SEC14L6: variants seen among roughly 807,000 people sequenced by gnomAD.
The protein encoded by SEC14L6 is SEC14-like protein 6.
Under a neutral mutation model 54.1 loss-of-function variants are expected in SEC14L6, and 40 were observed. The ratio of observed to expected loss-of-function variants is 0.74; its 90% CI spans 0.57 to 0.96. The LOEUF is 0.96. SEC14L6 is among the 40% of genes least tolerant of loss of function. The pLI, the probability that SEC14L6 is intolerant of heterozygous loss-of-function variation, is 0.00. For missense variants in SEC14L6, 471 were observed against 498.3 expected, an observed-to-expected ratio of 0.95 and a Z score of 0.52; for synonymous variants, 171 against 198.4, an observed-to-expected ratio of 0.86 and a Z score of 1.16.
rs774609526 is a variant in SEC14L6, at chr22:30,523,310, G to T, written c.*1687C>A. The T allele has an allele frequency of 6.6e-6, 1 of 152,234 alleles. No individual in the cohort carries two copies. The highest frequency in any genetic ancestry group is 1.5e-5 in the Non-Finnish European group (1 of 68,080). The allele number at this position is 152,234 out of a possible 1,614,324, so 9.4% of individuals were successfully genotyped here. A position where few individuals can be genotyped will look rare whatever the true frequency, so the allele number is the denominator to read the frequency against. On this transcript the variant is annotated 3_prime_UTR_variant, in exon 12 of 12. Transcript: ENST00000402034. Reference sequence around the variant, plus strand: ...CTGATCGCAGGACAGCACTCTAGTAGGACTGTGGGCTGACACCGACCTAGT... The same window carrying T: ...CTGATCGCAGGACAGCACTCTAGTATGACTGTGGGCTGACACCGACCTAGT...
chr22:30,532,982 C>A, intron 3 of SEC14L6, 126 bp from the exon 4 acceptor site: 1 of 1,506,436 alleles, frequency 6.6e-7, no homozygotes, highest in African/African-American at 1.4e-5. Context: ...CATCCCCAGG[C>A]TCCACTGACA....
At chr22:30,539,475 G>T (rs1280101153) in intron 1 of SEC14L6, among the ~76,000 whole-genome samples, 1 of 152,182 alleles carries the variant, frequency 6.6e-6, no homozygotes, top group South Asian at 2.1e-4. Context: ...GTGGGGGCAG[G>T]GAGGGGCCCT....
At chr22:30,532,360 G>A (rs966289548) in intron 5 of SEC14L6, 165 bp downstream of exon 5, 4 of 904,278 alleles carry the variant, frequency 4.4e-6, no homozygotes, top group South Asian at 5.1e-5. Context: ...GCCACATACT[G>A]TGTGGCCTTG....
chr22:30,525,338 G>C lies in SEC14L6; in HGVS notation c.1081+12C>G, dbSNP rs1250919150. 1 of 1,613,194 alleles carries C rather than the reference G, an allele frequency of 6.2e-7. No homozygotes were observed. The highest frequency in any genetic ancestry group is 8.5e-7 in the Non-Finnish European group (1 of 1,179,666). ...CCCAGCTCCAGGTAGAGCCATCCCTGCCAACTCTTACAGCTGCCGGCCTGG... is the reference window on the plus strand; with the variant it reads ...CCCAGCTCCAGGTAGAGCCATCCCTCCCAACTCTTACAGCTGCCGGCCTGG... On this transcript the variant is annotated intron_variant, in intron 11 of 11. Coordinates refer to ENST00000402034, the MANE Select transcript of SEC14L6 (RefSeq NM_001193336.4).
rs763237008 is a variant in SEC14L6, at chr22:30,538,813, C to T, written c.130+14G>A. 2.2e-5 allele frequency: 34 copies of T among 1,542,810 alleles called. No individual in the cohort carries two copies. Among genetic ancestry groups the T allele is most frequent in the African/African-American group, 6.9e-5 (5 of 72,982 alleles). ...TGCCATTGACCCTACCCCAGCCCCACGCTCTATCCTTACCTTGGAGCCAGC... is the reference window on the plus strand; with the variant it reads ...TGCCATTGACCCTACCCCAGCCCCATGCTCTATCCTTACCTTGGAGCCAGC... On this transcript the variant is annotated intron_variant, in intron 2 of 11. Transcript: ENST00000402034.
At position 30,534,052 on chromosome 22, in the gene SEC14L6, A is replaced by T; in HGVS notation, c.131-13T>A. The T allele has an allele frequency of 6.4e-7, 1 of 1,550,860 alleles. No homozygotes were observed. Among genetic ancestry groups the T allele is most frequent in the African/African-American group, 1.4e-5 (1 of 73,168 alleles). ...TCAAAGCTCCGAGCTGCAACAAGAGACAGGGTTATGGTTGTGGAATTCTAG... is the reference window on the plus strand; with the variant it reads ...TCAAAGCTCCGAGCTGCAACAAGAGTCAGGGTTATGGTTGTGGAATTCTAG... On this transcript the variant is annotated splice_polypyrimidine_tract_variant and intron_variant, in intron 2 of 11. Coordinates refer to ENST00000402034, the MANE Select transcript of SEC14L6 (RefSeq NM_001193336.4).
At position 30,525,492 on chromosome 22, in the gene SEC14L6, G is replaced by A. The variant is rs1936739687; in HGVS notation, c.939C>T (p.Asp313=). The change falls in exon 11 of 12, where the codon GAC becomes GAT. Residue 313 remains aspartate, a synonymous_variant. Transcript: ENST00000402034. ...LRWQFASDGG[D]IGFGVFLKTK... ...TCTTCAGGAAAACCCCAAAGCCAAT[G>A]TCCCCACCATCTGAAGCAAACTGCC... 6.2e-7 allele frequency: 1 copy of A among 1,614,140 alleles called. No homozygotes were observed. The highest frequency in any genetic ancestry group is 8.5e-7 in the Non-Finnish European group (1 of 1,179,990).
rs1000667861 is a variant in SEC14L6, at chr22:30,529,276, C to A, written c.580+13G>T. 6.5e-7 allele frequency: 1 copy of A among 1,550,058 alleles called. No individual in the cohort carries two copies. Among genetic ancestry groups the A allele is most frequent in the African/African-American group, 1.4e-5 (1 of 73,030 alleles). On this transcript the variant is annotated intron_variant, in intron 7 of 11. Transcript: ENST00000402034. ...CCCCCCAACTCATGCATATCCTGGG[C>A]TGCTTTACTCACCTCTCACAACAAT...
chr22:30,538,751 GATACACTCAATAGATACCAA>G, intron 2 of SEC14L6, 56 bp downstream of exon 2: 1 of 962,538 alleles, frequency 1.0e-6, no homozygotes, highest in Non-Finnish European at 1.6e-6. Flanking sequence ...GGAGTAATTT[GATACACTCAATAGATACCAA>G]ATACACTCCT....
In SEC14L6 at chr22:30,531,970, G is replaced by C. The variant is rs61742115; in HGVS notation, c.452C>G (p.Ala151Gly). 29,738 of 1,550,548 alleles carry C rather than the reference G, an allele frequency of 0.019. 436 individuals are homozygous for C. Among genetic ancestry groups the C allele is most frequent in the Middle Eastern group, 0.059 (354 of 5,992 alleles). ...GCCCAGCCCTTCGAGACCAAAAATA[G>C]CTATGATTTTCTCCACCCTCTTCCC... ...KLGKRVEKII[A>G]IFGLEGLGLR... Residue 151 changes from alanine (A) to glycine (G), a missense_variant, in exon 6 of 12, where the codon GCT (alanine) becomes GGT (glycine). Physicochemically the swap from Ala to Gly is moderately conservative, Grantham distance 60. Transcript: ENST00000402034.
At chr22:30,541,919 A>G (rs2085722469) in intron 1 of SEC14L6, among the ~76,000 whole-genome samples, 1 of 152,232 alleles carries the variant, frequency 6.6e-6, no homozygotes, top group Non-Finnish European at 1.5e-5. Context: ...CAACACATTC[A>G]GCCATTTTCT....
chr22:30,531,862 C>T (rs1237294787), intron 6 of SEC14L6, 41 bp downstream of exon 6: 2 of 1,409,094 alleles, frequency 1.4e-6, no homozygotes, highest in African/African-American at 2.9e-5. Flanking sequence ...AAGACCCAGG[C>T]ATTTGACCAC....
At chr22:30,535,009 A>G (rs1937099760) in intron 2 of SEC14L6, among the ~76,000 whole-genome samples, 1 of 149,448 alleles carries the variant, frequency 6.7e-6, no homozygotes. Flanking sequence ...AGCCTAGGCA[A>G]CATAGTGAGA....
chr22:30,531,739 A>G (rs1227794240), intron 6 of SEC14L6, among the ~76,000 whole-genome samples, 164 bp downstream of exon 6: 2 of 152,088 alleles, frequency 1.3e-5, no homozygotes, highest in East Asian at 3.9e-4. Flanking sequence ...AAAAAGTAAG[A>G]GCTGCAAACA....
intron 2 of SEC14L6, among the ~76,000 whole-genome samples, chr22:30,537,953 A>G (rs1405070879): frequency 6.6e-6 from 1 of 152,210 alleles, no homozygotes; most frequent in Non-Finnish European, 1.5e-5. Flanking sequence ...GATAATTGAA[A>G]TCTTTAAACC....
At chr22:30,525,209 G>A in intron 11 of SEC14L6, 100 bp from the exon 12 acceptor site, 2 of 1,304,170 alleles carry the variant, frequency 1.5e-6, no homozygotes, top group African/African-American at 1.5e-5. Flanking sequence ...GGGAACCATT[G>A]CCACAATTGA....
At chr22:30,530,136 G>A (rs1425044628) in intron 6 of SEC14L6, among the ~76,000 whole-genome samples, 3 of 152,210 alleles carry the variant, frequency 2.0e-5, no homozygotes, top group East Asian at 1.9e-4. Context: ...TTGTCCGGGC[G>A]TGGTGGCTCA....
At chr22:30,543,062 C>T in intron 1 of SEC14L6, 1 of 1,598,460 alleles carries the variant, frequency 6.3e-7, no homozygotes, top group South Asian at 1.1e-5. Context: ...CCTGACCACA[C>T]AGTGAGCTTC....
At chr22:30,540,824 G>T (rs2085692823) in intron 1 of SEC14L6, among the ~76,000 whole-genome samples, 1 of 151,822 alleles carries the variant, frequency 6.6e-6, no homozygotes, top group Non-Finnish European at 1.5e-5. Flanking sequence ...TTCGAGATCA[G>T]CCTTGCCAAC....
Sources: allele counts gnomAD v4.1 joint callset (sites outside exome capture counted in the v4.1 genomes callset), GRCh38; gene constraint gnomAD v4.1.1; transcripts MANE v1.5; gene names NCBI Gene and HGNC (gene_info 2026-07-23, HGNC 2026-07-21).